Variants in KCND2 observed in about 807,000 individuals in gnomAD.
KCND2 encodes A-type voltage-gated potassium channel KCND2.
Under a neutral mutation model 54.4 loss-of-function variants are expected in KCND2, and 16 were observed. The ratio of observed to expected loss-of-function variants is 0.29; its 90% CI spans 0.20 to 0.45. The LOEUF (loss-of-function observed/expected upper bound fraction) is 0.45. Ranked by LOEUF, KCND2 falls within the 20% of genes least tolerant of loss-of-function variation. KCND2 has a pLI of 1.00. For missense variants in KCND2, 486 were observed against 824.2 expected (o/e 0.59, Z 5.02); for synonymous variants, 317 against 310.7 (o/e 1.02, Z -0.21).
rs1207156842 is a variant in KCND2, at chr7:120,316,672, A to C, written c.1115+40925A>C. The stretch of plus-strand genomic sequence containing the variant: ...GTTGACATATTGGCCACTTATTCTG[A>C]TTACGATGAAAAAAGACTAAACTAA... On this transcript the variant is annotated intron_variant, in intron 1 of 5. Transcript: ENST00000331113. 2.6e-5 allele frequency among the ~76,000 whole-genome samples: 4 copies of C among 152,096 alleles called. No individual in the cohort carries two copies. In the East Asian group the frequency reaches 7.7e-4, roughly 29 times the overall value.
chr7:120,570,300 A>G (rs1312080732), intron 1 of KCND2, among the ~76,000 whole-genome samples: 3 of 152,006 alleles, frequency 2.0e-5, no homozygotes, highest in Admixed American at 6.6e-5. Context: ...AATATTACCT[A>G]TTGGAGACAA....
intron 1 of KCND2, among the ~76,000 whole-genome samples, chr7:120,592,193 A>G (rs1792680591): frequency 6.6e-6 from 1 of 152,186 alleles, no homozygotes; most frequent in Admixed American, 6.5e-5. Context: ...CTGACAAAAC[A>G]CCATCCTGCA....
chr7:120,298,021 T>C (rs567602300), intron 1 of KCND2, among the ~76,000 whole-genome samples: 17 of 152,252 alleles, frequency 1.1e-4, no homozygotes, highest in Admixed American at 5.9e-4. Flanking sequence ...GCTAGGGTGA[T>C]TGAGGAATTG....
intron 1 of KCND2, among the ~76,000 whole-genome samples, chr7:120,698,022 C>CTTT (rs35589294): frequency 0.018 from 1,523 of 85,538 alleles, 11 homozygotes; most frequent in African/African-American, 0.022. Flanking sequence ...TAGATTTGCC[C>CTTT]TTTTTTTTTT....
intron 1 of KCND2, among the ~76,000 whole-genome samples, chr7:120,662,463 G>T (rs183385379): frequency 1.6e-4 from 25 of 152,170 alleles, no homozygotes; most frequent in African/African-American, 6.0e-4. Flanking sequence ...TCAATGATAA[G>T]ATTACATTCC....
chr7:120,534,000 T>C lies in KCND2; in HGVS notation c.1116-198903T>C, dbSNP rs144669741. 1.2e-4 allele frequency among the ~76,000 whole-genome samples: 19 copies of C among 152,252 alleles called. No individual in the cohort carries two copies. The East Asian group carries it at 3.1e-3, about 25-fold the overall frequency. On this transcript the variant is annotated intron_variant, in intron 1 of 5. Coordinates refer to ENST00000331113, the MANE Select transcript of KCND2 (RefSeq NM_012281.3). ...CACAACTGAACGATTTTGAAAAAAG[T>C]CTGTTTTATTTAACAACATTCATGA... is the stretch of plus-strand genomic sequence containing the variant.
chr7:120,342,527 C>A (rs879319874), intron 1 of KCND2, among the ~76,000 whole-genome samples: 1 of 152,072 alleles, frequency 6.6e-6, no homozygotes, highest in South Asian at 2.1e-4. Context: ...TTTGGACTCT[C>A]AAAGATTTTC....
chr7:120,605,917 G>A (rs769307777), intron 1 of KCND2, among the ~76,000 whole-genome samples: 1 of 152,088 alleles, frequency 6.6e-6, no homozygotes, highest in Non-Finnish European at 1.5e-5. Flanking sequence ...CTCCCATAAC[G>A]TCCACATGTC....
At chr7:120,717,336 G>C (rs543577930) in intron 1 of KCND2, among the ~76,000 whole-genome samples, 5 of 152,230 alleles carry the variant, frequency 3.3e-5, no homozygotes, top group African/African-American at 1.2e-4. Context: ...CAGGACAGAA[G>C]GTTAATTCAT....
Position 120,464,003 on chromosome 7 carries a change from T to C in KCND2, c.1115+188256T>C, listed in dbSNP as rs1209677823. ...GACTGGCTACATTGGATAAATAAAATGTTTCTTAGTTTTGTTTTTTTTTTT... is the reference window on the plus strand; with the variant it reads ...GACTGGCTACATTGGATAAATAAAACGTTTCTTAGTTTTGTTTTTTTTTTT... On this transcript the variant is annotated intron_variant, in intron 1 of 5. Transcript: ENST00000331113. 6.2e-6 allele frequency: 6 copies of C among 962,076 alleles called. No individual in the cohort carries two copies. The African/African-American group carries it at 8.9e-5, about 14-fold the overall frequency. 59.6% of individuals were successfully genotyped at this position (962,076 alleles called of 1,614,324 possible).
At chr7:120,445,098 C>A (rs1054127739) in intron 1 of KCND2, among the ~76,000 whole-genome samples, 2 of 152,068 alleles carry the variant, frequency 1.3e-5, no homozygotes, top group Non-Finnish European at 2.9e-5. Flanking sequence ...TCCTCGATAT[C>A]ACTAAATAAA....
intron 1 of KCND2, among the ~76,000 whole-genome samples, chr7:120,404,091 G>T (rs931905879): frequency 2.6e-5 from 4 of 152,088 alleles, no homozygotes; most frequent in Non-Finnish European, 4.4e-5. Flanking sequence ...GAGAGTTTGG[G>T]CTTTCTTGTT....
At chr7:120,391,266 C>T (rs1584759024) in intron 1 of KCND2, among the ~76,000 whole-genome samples, 1 of 152,100 alleles carries the variant, frequency 6.6e-6, no homozygotes, top group Non-Finnish European at 1.5e-5. Context: ...CTTATGGCTG[C>T]ACAGATTCCT....
At chr7:120,612,488 CA>C (rs1452856150) in intron 1 of KCND2, among the ~76,000 whole-genome samples, 1 of 152,152 alleles carries the variant, frequency 6.6e-6, no homozygotes, top group Non-Finnish European at 1.5e-5. Flanking sequence ...ATGAAACAGC[CA>C]TGTCTGTTTT....
intron 1 of KCND2, among the ~76,000 whole-genome samples, chr7:120,348,003 A>T (rs1310415329): frequency 6.6e-6 from 1 of 152,100 alleles, no homozygotes; most frequent in African/African-American, 2.4e-5. Flanking sequence ...TCTTTCAGGA[A>T]GGCGCTAAAC....
At chr7:120,664,670 T>G (rs146942975) in intron 1 of KCND2, among the ~76,000 whole-genome samples, 1 of 152,222 alleles carries the variant, frequency 6.6e-6, no homozygotes, top group East Asian at 1.9e-4. Flanking sequence ...TAAGGACATG[T>G]GTCAAGGACA....
At chr7:120,518,402 T>G (rs1223086664) in intron 1 of KCND2, among the ~76,000 whole-genome samples, 1 of 152,072 alleles carries the variant, frequency 6.6e-6, no homozygotes, top group African/African-American at 2.4e-5. Context: ...ATGAAGCAAA[T>G]AGCTTAGGTA....
intron 1 of KCND2, among the ~76,000 whole-genome samples, chr7:120,598,459 C>T (rs1330151717): frequency 6.6e-6 from 1 of 151,152 alleles, no homozygotes; most frequent in Non-Finnish European, 1.5e-5. Flanking sequence ...TAATAAACTG[C>T]CAAACTATTT....
At chr7:120,304,451 A>G (rs1157618029) in intron 1 of KCND2, among the ~76,000 whole-genome samples, 1 of 152,122 alleles carries the variant, frequency 6.6e-6, no homozygotes, top group Non-Finnish European at 1.5e-5. Flanking sequence ...CACAATCCTC[A>G]ATGTGTGGCC....
Sources: gnomAD v4.1 joint callset for allele counts (sites outside exome capture counted in the v4.1 genomes callset) on GRCh38, gnomAD v4.1.1 for gene constraint, MANE v1.5 for transcripts, NCBI Gene and HGNC (gene_info 2026-07-23, HGNC 2026-07-21) for gene names.